Variants in GNAO1 observed in about 807,000 individuals in gnomAD.
GNAO1 encodes the protein guanine nucleotide-binding protein G(o) subunit alpha.
For missense variants in GNAO1, 166 were observed against 478.7 expected, an observed-to-expected ratio of 0.35 and a Z score of 6.10; for synonymous variants, 164 against 180.7, an observed-to-expected ratio of 0.91 and a Z score of 0.74.
At chr16:56,192,501 C>T in intron 1 of GNAO1, 73 bp from the exon 2 acceptor site, 1 of 1,002,312 alleles carries the variant, frequency 1.0e-6, no homozygotes, top group African/African-American at 1.6e-5. Flanking sequence ...CCTCGCATGC[C>T]TTAGTCCCCC....
At position 56,334,957 on chromosome 16, in the gene GNAO1, C is replaced by T. The variant is rs146832701; in HGVS notation, c.593+100C>T. The T allele has an allele frequency of 3.7e-5, 49 of 1,311,562 alleles. No homozygotes were observed. The African/African-American group carries it at 6.5e-4, about 17-fold the overall frequency. 81.2% of individuals were successfully genotyped at this position (1,311,562 alleles called of 1,614,324 possible). Reference sequence around the variant, plus strand: ...TTACAGCGCCCAAACATCATCCTGCCCCAGGGAACCTGCGGGCTGGGGCAG... The same window carrying T: ...TTACAGCGCCCAAACATCATCCTGCTCCAGGGAACCTGCGGGCTGGGGCAG... On this transcript the variant is annotated intron_variant, in intron 5 of 8. Coordinates refer to ENST00000262493, the MANE Select transcript of GNAO1 (RefSeq NM_020988.3).
At chr16:56,350,995 G>A (rs1387361592) in intron 6 of GNAO1, among the ~76,000 whole-genome samples, 2 of 151,652 alleles carry the variant, frequency 1.3e-5, no homozygotes, top group African/African-American at 2.4e-5. Context: ...ACATGCACAC[G>A]AACACACACA....
intron 2 of GNAO1, among the ~76,000 whole-genome samples, chr16:56,212,161 ACT>A (rs1411977030): frequency 6.6e-6 from 1 of 152,130 alleles, no homozygotes; most frequent in Non-Finnish European, 1.5e-5. Context: ...TTCTTTTCAA[ACT>A]CTGTTTATCA....
At chr16:56,232,450 G>A (rs954984593) in intron 2 of GNAO1, among the ~76,000 whole-genome samples, 10 of 152,222 alleles carry the variant, frequency 6.6e-5, no homozygotes, top group African/African-American at 2.4e-4. Context: ...TCAAGCAAGT[G>A]TAGAAAATGC....
chr16:56,346,178 C>T (rs1237259390), intron 6 of GNAO1: 55 of 985,450 alleles, frequency 5.6e-5, no homozygotes, highest in Non-Finnish European at 6.6e-5. Flanking sequence ...CAGGGGTATC[C>T]GGGGAGAAAT....
chr16:56,330,661 C>T (rs2037680161), intron 4 of GNAO1, among the ~76,000 whole-genome samples: 1 of 152,224 alleles, frequency 6.6e-6, no homozygotes, highest in Admixed American at 6.5e-5. Flanking sequence ...ATCGAGGGAG[C>T]TCAGCTCACC....
chr16:56,347,053 C>G, intron 6 of GNAO1: 1 of 985,478 alleles, frequency 1.0e-6, no homozygotes, highest in Non-Finnish European at 1.2e-6. Flanking sequence ...CCCTTTATTT[C>G]TCAGTCTGAC....
chr16:56,349,457 AGGTTCACTG>A (rs1232256419), intron 6 of GNAO1, among the ~76,000 whole-genome samples: 1 of 152,224 alleles, frequency 6.6e-6, no homozygotes, highest in Non-Finnish European at 1.5e-5. Context: ...CCCTGGACAC[AGGTTCACTG>A]GGCCTCCCAG....
intron 5 of GNAO1, 110 bp from the exon 6 acceptor site, chr16:56,336,621 T>C: frequency 1.0e-6 from 1 of 998,858 alleles, no homozygotes; most frequent in Admixed American, 2.5e-5. Flanking sequence ...TTAGCAAGGC[T>C]CTGAGCACCA....
At chr16:56,328,173 A>C (rs575760064) in intron 3 of GNAO1, among the ~76,000 whole-genome samples, 1 of 152,302 alleles carries the variant, frequency 6.6e-6, no homozygotes, top group Admixed American at 6.5e-5. Context: ...CCTGTGTAAG[A>C]AGTATAGAAA....
intron 2 of GNAO1, among the ~76,000 whole-genome samples, chr16:56,266,768 A>T (rs2036957863): frequency 6.6e-6 from 1 of 152,150 alleles, no homozygotes; most frequent in African/African-American, 2.4e-5. Context: ...AGAGACCTAG[A>T]CTCAGGGAGG....
At chr16:56,284,658 G>A (rs1271857600) in intron 3 of GNAO1, among the ~76,000 whole-genome samples, 1 of 152,136 alleles carries the variant, frequency 6.6e-6, no homozygotes, top group African/African-American at 2.4e-5. Flanking sequence ...CTACTTCATG[G>A]TTGTCTTACC....
intron 3 of GNAO1, among the ~76,000 whole-genome samples, chr16:56,325,407 C>A (rs1359700043): frequency 6.6e-6 from 1 of 152,144 alleles, no homozygotes; most frequent in African/African-American, 2.4e-5. Flanking sequence ...ACCCAGGAGG[C>A]GGAGGTTGTG....
chr16:56,315,696 G>A (rs1388426303), intron 3 of GNAO1, among the ~76,000 whole-genome samples: 1 of 152,106 alleles, frequency 6.6e-6, no homozygotes, highest in Non-Finnish European at 1.5e-5. Flanking sequence ...AAGCCTTGCT[G>A]ACATAAAAAC....
chr16:56,276,166 C>A, intron 3 of GNAO1, 94 bp downstream of exon 3: 3 of 1,026,270 alleles, frequency 2.9e-6, no homozygotes, highest in South Asian at 1.8e-5. Flanking sequence ...CTTAAATGAA[C>A]GAGAAGAGAC....
chr16:56,341,115 C>A, intron 6 of GNAO1: 1 of 740,612 alleles, frequency 1.4e-6, no homozygotes, highest in Non-Finnish European at 2.3e-6. Flanking sequence ...AACGGTCCCC[C>A]ACCCTGCCCC....
intron 2 of GNAO1, among the ~76,000 whole-genome samples, chr16:56,249,462 G>A (rs938293415): frequency 6.6e-6 from 1 of 152,116 alleles, no homozygotes; most frequent in Non-Finnish European, 1.5e-5. Context: ...CATATCCACT[G>A]GGGAGGGGAG....
chr16:56,234,932 AT>A, intron 2 of GNAO1: 1 of 217,712 alleles, frequency 4.6e-6, no homozygotes, highest in South Asian at 7.3e-5. Flanking sequence ...TACACTGGCT[AT>A]TTGCTTGCCC....
chr16:56,296,555 C>A (rs1266577973), intron 3 of GNAO1, among the ~76,000 whole-genome samples: 1 of 152,052 alleles, frequency 6.6e-6, no homozygotes, highest in African/African-American at 2.4e-5. Context: ...GCCTCTAGGA[C>A]CTACCCAGGG....
Sources: allele counts gnomAD v4.1 joint callset (sites outside exome capture counted in the v4.1 genomes callset), GRCh38; gene constraint gnomAD v4.1.1; transcripts MANE v1.5; gene names NCBI Gene and HGNC (gene_info 2026-07-23, HGNC 2026-07-21).